The following ENTPD1 variants were observed in gnomAD, a reference collection of about 807,000 sequenced individuals.
ENTPD1 encodes ectonucleoside triphosphate diphosphohydrolase 1.
A neutral mutation model predicts 57.0 loss-of-function variants in ENTPD1; 33 were observed. The ratio of observed to expected loss-of-function variants is 0.58; its 90% CI spans 0.44 to 0.77. The LOEUF is 0.77. Ranked by LOEUF, ENTPD1 falls within the 30% of genes least tolerant of loss-of-function variation. The pLI, the probability that ENTPD1 is intolerant of heterozygous loss-of-function variation, is 0.00. For synonymous variants in ENTPD1, 202 were observed against 218.8 expected (o/e 0.92, Z 0.68); for missense variants, 501 against 603.4 (o/e 0.83, Z 1.78).
rs969843051 is a variant in ENTPD1 at position 95,870,714 on chromosome 10, T to G, written c.*4331T>G. 7 of 985,348 alleles carry G rather than the reference T, an allele frequency of 7.1e-6. No individual in the cohort carries two copies. Among genetic ancestry groups the G allele is most frequent in the Non-Finnish European group, 8.4e-6 (7 of 829,948 alleles). 61.0% of individuals were successfully genotyped at this position (985,348 alleles called of 1,614,324 possible). A position where few individuals can be genotyped will look rare whatever the true frequency, so the allele number is the denominator to read the frequency against. ...CAAACTGGTCTGGCCCCTCTCTGAT[T>G]CAAATACCAATAGTTGCTCTGATTC... On this transcript the variant is annotated 3_prime_UTR_variant, in exon 10 of 10. Coordinates refer to ENST00000371205, the MANE Select transcript of ENTPD1 (RefSeq NM_001776.6).
At chr10:95,824,695 C>T (rs1187292615) in intron 2 of ENTPD1, among the ~76,000 whole-genome samples, 5 of 152,108 alleles carry the variant, frequency 3.3e-5, no homozygotes, top group Admixed American at 2.6e-4. Flanking sequence ...AGGGGGATGC[C>T]TAGGAGGCAA....
chr10:95,748,712 A>T (rs2098008706), intron 1 of ENTPD1, among the ~76,000 whole-genome samples: 1 of 152,200 alleles, frequency 6.6e-6, no homozygotes. Context: ...AGTTTCTTTT[A>T]CATTGGTTTG....
At chr10:95,748,543 A>G (rs1449155284) in intron 1 of ENTPD1, among the ~76,000 whole-genome samples, 1 of 152,210 alleles carries the variant, frequency 6.6e-6, no homozygotes, top group Non-Finnish European at 1.5e-5. Context: ...TTTGAAACTA[A>G]TCTCAGATTT....
At chr10:95,830,820 G>A (rs1309702681) in intron 2 of ENTPD1, among the ~76,000 whole-genome samples, 1 of 151,864 alleles carries the variant, frequency 6.6e-6, no homozygotes, top group Non-Finnish European at 1.5e-5. Context: ...AGAAAAAAAA[G>A]CCCAGGGACT....
intron 1 of ENTPD1, among the ~76,000 whole-genome samples, chr10:95,721,082 C>G (rs207471285): frequency 6.6e-6 from 1 of 152,086 alleles, no homozygotes; most frequent in Non-Finnish European, 1.5e-5. Context: ...ATAAACTTAT[C>G]CTTTAAGACT....
intron 6 of ENTPD1, chr10:95,846,460 G>A (rs1474659115): frequency 6.6e-6 from 1 of 152,218 alleles, no homozygotes; most frequent in Non-Finnish European, 1.5e-5. Context: ...GGCACACCCT[G>A]ACAAGCAAAC....
At chr10:95,836,215 T>C (rs1323123196) in intron 2 of ENTPD1, among the ~76,000 whole-genome samples, 1 of 152,216 alleles carries the variant, frequency 6.6e-6, no homozygotes, top group Non-Finnish European at 1.5e-5. Context: ...CATGCTGTTT[T>C]AGTTATCATA....
intron 1 of ENTPD1, among the ~76,000 whole-genome samples, chr10:95,811,068 G>A (rs762779871): frequency 3.1e-4 from 47 of 152,220 alleles, no homozygotes; most frequent in Non-Finnish European, 6.0e-4. Flanking sequence ...TGTTACCATA[G>A]ACATTTAATT....
chr10:95,837,684 G>A (rs968404295), intron 2 of ENTPD1, among the ~76,000 whole-genome samples: 1 of 152,148 alleles, frequency 6.6e-6, no homozygotes, highest in East Asian at 1.9e-4. Flanking sequence ...CTAGTGAAAT[G>A]GAGTAGAGTT....
chr10:95,742,171 G>A (rs2098001017), intron 1 of ENTPD1, among the ~76,000 whole-genome samples: 1 of 152,210 alleles, frequency 6.6e-6, no homozygotes, highest in Non-Finnish European at 1.5e-5. Context: ...AGAAGTAGAA[G>A]ACAGAGATTT....
chr10:95,839,417 A>G (rs902925764), intron 2 of ENTPD1: 1 of 445,856 alleles, frequency 2.2e-6, no homozygotes, highest in African/African-American at 2.0e-5. Context: ...CATTAGAATC[A>G]CCTAAGAAGC....
At position 95,783,020 on chromosome 10, in the gene ENTPD1, G is replaced by GGT. The variant is rs138660434; in HGVS notation, c.16+26778_16+26779dup. On this transcript the variant is annotated intron_variant, in intron 1 of 9. Transcript: ENST00000371205. ...TTTTGCACACCTATAAAATGGAAGC[G>GGT]GTGTGTGTGTGTGTTTGTGTGTGTG... Among the ~76,000 whole-genome samples, 7 of 151,818 alleles carry GGT rather than the reference G, an allele frequency of 4.6e-5. No homozygotes were observed. The South Asian group carries it at 8.3e-4, about 18-fold the overall frequency.
At chr10:95,795,786 G>T (rs938663132) in intron 1 of ENTPD1, among the ~76,000 whole-genome samples, 4 of 152,190 alleles carry the variant, frequency 2.6e-5, no homozygotes, top group Non-Finnish European at 5.9e-5. Context: ...TAATCAGAAT[G>T]ACTGATTCTC....
intron 1 of ENTPD1, among the ~76,000 whole-genome samples, chr10:95,788,477 C>T (rs1452436998): frequency 2.6e-5 from 4 of 151,730 alleles, no homozygotes; most frequent in South Asian, 2.1e-4. Flanking sequence ...ATTAGCTGGG[C>T]GTGGTGGTGG....
chr10:95,839,645 A>G (rs1300577567), intron 2 of ENTPD1, 46 bp from the exon 3 acceptor site: 14 of 1,581,808 alleles, frequency 8.9e-6, no homozygotes, highest in South Asian at 1.1e-5. Context: ...TAATATGGAG[A>G]TGAGTGATGT....
chr10:95,771,652 C>T (rs1729982917), intron 1 of ENTPD1, among the ~76,000 whole-genome samples: 1 of 152,122 alleles, frequency 6.6e-6, no homozygotes, highest in South Asian at 2.1e-4. Flanking sequence ...CTCTTGGCTC[C>T]CACTTATCCC....
At chr10:95,713,457 A>G (rs3949478) in intron 1 of ENTPD1, among the ~76,000 whole-genome samples, 111,042 of 152,132 alleles carry the variant, frequency 0.73, 41,168 homozygotes, top group Middle Eastern at 0.82. Context: ...AAATGCAAAA[A>G]TCTAACCCAA....
chr10:95,734,510 G>A (rs1466169008), intron 1 of ENTPD1, among the ~76,000 whole-genome samples: 1 of 152,190 alleles, frequency 6.6e-6, no homozygotes. Flanking sequence ...TGGAAACCTT[G>A]CAGGCTCTTC....
At chr10:95,746,894 CA>C (rs1381342696) in intron 1 of ENTPD1, among the ~76,000 whole-genome samples, 4 of 152,198 alleles carry the variant, frequency 2.6e-5, no homozygotes, top group African/African-American at 9.7e-5. Context: ...TGTCAAAGCA[CA>C]ATGTCAAGTA....
Sources: allele counts gnomAD v4.1 joint callset (sites outside exome capture counted in the v4.1 genomes callset), GRCh38; gene constraint gnomAD v4.1.1; transcripts MANE v1.5; gene names NCBI Gene and HGNC (gene_info 2026-07-23, HGNC 2026-07-21).